PACRG: variants seen among roughly 807,000 people sequenced by gnomAD.
PACRG encodes the protein parkin coregulated.
Under a neutral mutation model 29.7 loss-of-function variants are expected in PACRG, and 29 were observed. The ratio of observed to expected loss-of-function variants is 0.98; its 90% CI spans 0.73 to 1.33. The LOEUF is 1.33. Ranked by LOEUF, PACRG falls within the 40% of genes most tolerant of loss-of-function variation. The pLI is 0.00. For missense variants in PACRG, 279 were observed against 316.2 expected (o/e 0.88, Z 0.89); for synonymous variants, 116 against 118.7 (o/e 0.98, Z 0.15).
intron 4 of PACRG, among the ~76,000 whole-genome samples, chr6:163,230,620 T>C (rs998616781): frequency 1.4e-4 from 20 of 141,478 alleles, no homozygotes; most frequent in Non-Finnish European, 2.7e-4. Flanking sequence ...TTAAGACTTA[T>C]TTGACGTGTC....
At chr6:163,190,438 G>C (rs1585316796) in intron 4 of PACRG, 1 of 152,400 alleles carries the variant, frequency 6.6e-6, no homozygotes. Flanking sequence ...AGTTGCATTA[G>C]ACACAAGTAG....
intron 4 of PACRG, among the ~76,000 whole-genome samples, chr6:163,287,215 G>A (rs549010220): frequency 2.0e-5 from 3 of 152,256 alleles, no homozygotes; most frequent in East Asian, 3.9e-4. Context: ...AGAAATGGCA[G>A]GCAAATGCTG....
chr6:163,201,257 G>A (rs974073136), intron 4 of PACRG, among the ~76,000 whole-genome samples: 1 of 152,164 alleles, frequency 6.6e-6, no homozygotes, highest in Non-Finnish European at 1.5e-5. Flanking sequence ...CTTCATTAGA[G>A]TACATATATT....
intron 4 of PACRG, among the ~76,000 whole-genome samples, chr6:163,139,381 T>TTCTAATAAGGTACATTTGTA (rs1817064120): frequency 6.6e-6 from 1 of 151,700 alleles, no homozygotes; most frequent in Non-Finnish European, 1.5e-5. Flanking sequence ...AAGACCCTTA[T>TTCTAATAAGGTACATTTGTA]CCTAATAAGG....
intron 1 of PACRG, among the ~76,000 whole-genome samples, chr6:162,804,664 T>A (rs1252982380): frequency 6.6e-6 from 1 of 152,142 alleles, no homozygotes; most frequent in East Asian, 1.9e-4. Context: ...CTTGACTCTA[T>A]ATTCTCCTGA....
Position 162,985,939 on chromosome 6 carries a change from A to T in PACRG, c.292-76211A>T, listed in dbSNP as rs755323420. 4.0e-5 allele frequency among the ~76,000 whole-genome samples: 6 copies of T among 150,208 alleles called. 1 individual carries two copies. Among genetic ancestry groups the T allele is most frequent in the African/African-American group, 2.5e-5 (1 of 40,768 alleles). On this transcript the variant is annotated intron_variant, in intron 2 of 4. Transcript: ENST00000366888. ...GACAAATCTGAGAATCAAATCAAGA[A>T]CTCAACCCCTTTCACAATAGCTGCA...
intron 2 of PACRG, among the ~76,000 whole-genome samples, chr6:162,986,896 T>G (rs1229868073): frequency 1.3e-5 from 2 of 152,086 alleles, no homozygotes; most frequent in African/African-American, 4.8e-5. Context: ...TGATATCTGT[T>G]TCCCTGGATA....
At chr6:162,934,267 A>AAT (rs1554308436) in intron 2 of PACRG, among the ~76,000 whole-genome samples, 2 of 151,952 alleles carry the variant, frequency 1.3e-5, no homozygotes, top group African/African-American at 4.8e-5. Context: ...TCTCAAAAAA[A>AAT]AAAAATAAAT....
chr6:163,164,251 C>T (rs1778695376), intron 4 of PACRG, among the ~76,000 whole-genome samples: 1 of 152,220 alleles, frequency 6.6e-6, no homozygotes, highest in Non-Finnish European at 1.5e-5. Flanking sequence ...GCCATAATCT[C>T]CCTCAAATTC....
At chr6:162,773,554 C>CCGGACTG (rs1783400962) in intron 1 of PACRG, among the ~76,000 whole-genome samples, 1 of 131,748 alleles carries the variant, frequency 7.6e-6, no homozygotes, top group African/African-American at 3.1e-5. Flanking sequence ...GTCGCCCAGG[C>CCGGACTG]CGGACTGCGG....
chr6:163,137,504 G>T (rs975070766), intron 4 of PACRG, among the ~76,000 whole-genome samples: 2 of 152,170 alleles, frequency 1.3e-5, no homozygotes, highest in Middle Eastern at 3.4e-3. Flanking sequence ...AAAGAGGAGC[G>T]CCAGGATTTC....
At chr6:163,020,468 G>A (rs376842564) in intron 2 of PACRG, among the ~76,000 whole-genome samples, 6 of 152,202 alleles carry the variant, frequency 3.9e-5, no homozygotes, top group South Asian at 2.1e-4. Context: ...TTTGCAAGTA[G>A]TTTAAGAAGC....
chr6:163,249,892 G>C (rs1782837364), intron 4 of PACRG, among the ~76,000 whole-genome samples: 2 of 152,176 alleles, frequency 1.3e-5, no homozygotes, highest in African/African-American at 4.8e-5. Context: ...TCTCAAAAGG[G>C]AAGTGACGCC....
chr6:163,108,392 CTT>C (rs528887997), intron 4 of PACRG, among the ~76,000 whole-genome samples: 20,492 of 90,258 alleles, frequency 0.23, 1,492 homozygotes, highest in East Asian at 0.42. Context: ...TTCTCTTTCC[CTT>C]TTTTTTTTTT....
intron 3 of PACRG, among the ~76,000 whole-genome samples, chr6:163,079,243 A>T (rs1562894508): frequency 6.6e-6 from 1 of 152,124 alleles, no homozygotes; most frequent in Non-Finnish European, 1.5e-5. Flanking sequence ...ATCAAAAAAA[A>T]TTGATAGATT....
At chr6:163,118,497 G>T (rs1451177515) in intron 4 of PACRG, among the ~76,000 whole-genome samples, 1 of 152,178 alleles carries the variant, frequency 6.6e-6, no homozygotes, top group Non-Finnish European at 1.5e-5. Flanking sequence ...CATGGCTAAT[G>T]TATTTTATTT....
At chr6:163,005,939 T>C (rs943054980) in intron 2 of PACRG, among the ~76,000 whole-genome samples, 2 of 141,402 alleles carry the variant, frequency 1.4e-5, no homozygotes, top group Non-Finnish European at 3.0e-5. Context: ...ATAACATGTA[T>C]AACAGTTATA....
At chr6:163,172,438 G>A (rs1585293353) in intron 4 of PACRG, among the ~76,000 whole-genome samples, 2 of 152,308 alleles carry the variant, frequency 1.3e-5, no homozygotes, top group East Asian at 3.9e-4. Context: ...CCCAGAGAAA[G>A]CCTCTTTGAT....
intron 2 of PACRG, among the ~76,000 whole-genome samples, chr6:162,937,618 C>G (rs1394868518): frequency 6.6e-6 from 1 of 152,168 alleles, no homozygotes; most frequent in Non-Finnish European, 1.5e-5. Flanking sequence ...CCTCCCCAAA[C>G]CAGTTTCCAT....
Sources: gnomAD v4.1 joint callset for allele counts (sites outside exome capture counted in the v4.1 genomes callset) on GRCh38, gnomAD v4.1.1 for gene constraint, MANE v1.5 for transcripts, NCBI Gene and HGNC (gene_info 2026-07-23, HGNC 2026-07-21) for gene names.